Variants in FBXW8 observed in about 807,000 individuals in gnomAD.
The protein encoded by FBXW8 is F-box/WD repeat-containing protein 8.
In FBXW8, 57 loss-of-function variants were observed where a neutral mutation model predicts 65.3. The observed-to-expected ratio is 0.87, with a 90% CI of 0.71 to 1.09. FBXW8 has a LOEUF of 1.09. FBXW8 is among the 50% of genes least tolerant of loss of function. FBXW8 has a pLI of 0.00. For missense variants in FBXW8, 777 were observed against 814.8 expected (o/e 0.95, Z 0.57); for synonymous variants, 308 against 330.2 (o/e 0.93, Z 0.73).
rs140697469 is a variant in FBXW8, at chr12:117,010,667, G to C, written c.1367+217G>C. Among the ~76,000 whole-genome samples, 46 of 152,334 alleles carry C rather than the reference G, an allele frequency of 3.0e-4. No individual in the cohort carries two copies. In the East Asian group the frequency reaches 8.1e-3, roughly 27 times the overall value. On this transcript the variant is annotated intron_variant, in intron 8 of 10. Transcript: ENST00000652555. ...TCTGCTTCATTTCTGAAGCACCACGGGAAGGTTTTCTTTTAAGCCATTTGG... is the reference window on the plus strand; with the variant it reads ...TCTGCTTCATTTCTGAAGCACCACGCGAAGGTTTTCTTTTAAGCCATTTGG...
chr12:116,953,794 A>G (rs2137365706), intron 4 of FBXW8, among the ~76,000 whole-genome samples: 1 of 146,602 alleles, frequency 6.8e-6, no homozygotes, highest in East Asian at 2.0e-4. Flanking sequence ...ACAAAAAAAC[A>G]AAACAAAACA....
Position 116,961,185 on chromosome 12 carries a change from G to A in FBXW8, c.678-3512G>A, listed in dbSNP as rs748167564. Among the ~76,000 whole-genome samples, 2 of 152,072 alleles carry A rather than the reference G, an allele frequency of 1.3e-5. No individual in the cohort carries two copies. Among genetic ancestry groups the A allele is most frequent in the African/African-American group, 4.8e-5 (2 of 41,400 alleles). On this transcript the variant is annotated intron_variant, in intron 4 of 10. Coordinates refer to ENST00000652555, the MANE Select transcript of FBXW8 (RefSeq NM_153348.3). This position sits in a 1 kb window ranked among gnomAD's most constrained non-coding sequence, Gnocchi z 4.4. ...TAATTTTTGCATTTTTAGTAGAGAC[G>A]AGGTTTCACCCTGTTGGCCAGGCTG...
At chr12:116,931,243 A>G (rs1157543319) in intron 2 of FBXW8, among the ~76,000 whole-genome samples, 2 of 152,138 alleles carry the variant, frequency 1.3e-5, no homozygotes, top group Non-Finnish European at 2.9e-5. Context: ...TGGTCTATAT[A>G]TCTGTTTTTA....
chr12:117,027,956 A>G (rs1954273537), intron 10 of FBXW8, 72 bp from the exon 11 acceptor site: 6 of 1,598,230 alleles, frequency 3.8e-6, no homozygotes, highest in Non-Finnish European at 5.1e-6. Flanking sequence ...CGCCTCCTGC[A>G]CAGACAGAAG....
At chr12:116,921,614 CT>C (rs1880908876) in intron 1 of FBXW8, among the ~76,000 whole-genome samples, 1 of 152,178 alleles carries the variant, frequency 6.6e-6, no homozygotes, top group African/African-American at 2.4e-5. Context: ...CTCCCTCCCC[CT>C]AGCACCTGGT....
At chr12:116,916,287 C>T (rs1261022481) in intron 1 of FBXW8, among the ~76,000 whole-genome samples, 7 of 152,108 alleles carry the variant, frequency 4.6e-5, no homozygotes, top group Admixed American at 4.6e-4. Flanking sequence ...GACAGTTTTC[C>T]AAAGTAGTTG....
At position 117,027,402 on chromosome 12, in the gene FBXW8, T is replaced by A; in HGVS notation, c.1550T>A (p.Val517Glu). The A allele has an allele frequency of 6.2e-7, 1 of 1,613,958 alleles. No individual in the cohort carries two copies. Among genetic ancestry groups the A allele is most frequent in the African/African-American group, 1.3e-5 (1 of 75,040 alleles). Residue 517 changes from valine (V) to glutamate (E), a missense_variant, in exon 10 of 11, where the codon GTG (valine) becomes GAG (glutamate). By Grantham distance (121) the Val-to-Glu change is moderately radical (BLOSUM62 -2). Coordinates refer to ENST00000652555, the MANE Select transcript of FBXW8 (RefSeq NM_153348.3). ...CTCCCACTGCCTTCCAGGCACCCGG[T>A]GCAGCACATCTCATTCAGCAGCCAC... The part of the protein sequence containing the change: ...KLWEVYSGHP[V>E]QHISFSSHSL...
rs941494517 is a variant in FBXW8 at position 117,030,450 on chromosome 12, C to G, written c.*2278C>G. ...TGGCCTCGCTTTAGAAGGTTTTCAT[C>G]AAGCCCCGCCCTTTCTCTCTCATAG... On this transcript the variant is annotated 3_prime_UTR_variant, in exon 11 of 11. Coordinates refer to ENST00000652555, the MANE Select transcript of FBXW8 (RefSeq NM_153348.3). The G allele has an allele frequency of 4.6e-5, 7 of 152,100 alleles. No individual in the cohort carries two copies. Among genetic ancestry groups the G allele is most frequent in the Admixed American group, 2.6e-4 (4 of 15,280 alleles). The allele number at this position is 152,100 out of a possible 1,614,324, so 9.4% of individuals were successfully genotyped here. A position where few individuals can be genotyped will look rare whatever the true frequency, so the allele number is the denominator to read the frequency against.
chr12:117,009,013 G>A (rs1272448847), intron 7 of FBXW8, among the ~76,000 whole-genome samples: 1 of 152,144 alleles, frequency 6.6e-6, no homozygotes, highest in Non-Finnish European at 1.5e-5. Context: ...CTTGCAGTGA[G>A]CCAAGATCGC....
chr12:116,940,686 C>T (rs1240707474), intron 2 of FBXW8, among the ~76,000 whole-genome samples: 2 of 152,060 alleles, frequency 1.3e-5, no homozygotes, highest in Non-Finnish European at 2.9e-5. Flanking sequence ...ATTCTTTATA[C>T]CTTTTCATTT....
intron 7 of FBXW8, among the ~76,000 whole-genome samples, chr12:116,997,206 G>A (rs993321391): frequency 1.3e-5 from 2 of 152,216 alleles, no homozygotes; most frequent in Non-Finnish European, 2.9e-5. Flanking sequence ...CTCTGGCTTA[G>A]ATGCTTTTGA....
intron 2 of FBXW8, among the ~76,000 whole-genome samples, chr12:116,937,680 A>T (rs1244094023): frequency 1.3e-5 from 2 of 152,048 alleles, no homozygotes; most frequent in Admixed American, 1.3e-4. Flanking sequence ...GCAAGTGGAG[A>T]GAGAGGAAAC....
rs1463017847 is a variant in FBXW8, at chr12:116,911,269, G to A, written c.232G>A (p.Asp78Asn). 20 of 1,256,694 alleles carry A rather than the reference G, an allele frequency of 1.6e-5. No individual in the cohort carries two copies. In the East Asian group the frequency reaches 5.4e-4, roughly 34 times the overall value. The allele number at this position is 1,256,694 out of a possible 1,614,324, so 77.8% of individuals were successfully genotyped here. Residue 78 changes from aspartate to asparagine, a missense_variant, in exon 1 of 11, where the codon GAC (aspartate) becomes AAC (asparagine). Coordinates refer to ENST00000652555, the MANE Select transcript of FBXW8 (RefSeq NM_153348.3). ...AARATRAEGQ[D>N]VASRSRSPLA... ...GCGGGCGACTCGGGCCGAGGGGCAGGACGTAGCGAGCCGCTCACGTTCTCC... is the reference window on the plus strand; with the variant it reads ...GCGGGCGACTCGGGCCGAGGGGCAGAACGTAGCGAGCCGCTCACGTTCTCC...
intron 2 of FBXW8, among the ~76,000 whole-genome samples, chr12:116,933,087 A>G (rs1229313897): frequency 1.3e-5 from 2 of 152,154 alleles, no homozygotes; most frequent in South Asian, 2.1e-4. Context: ...ATGAGTACCT[A>G]TATTGTTTTC....
chr12:116,921,986 C>G (rs1307131559), intron 1 of FBXW8, among the ~76,000 whole-genome samples: 1 of 151,900 alleles, frequency 6.6e-6, no homozygotes, highest in African/African-American at 2.4e-5. Context: ...TGCCACCACA[C>G]CTGGCTCATT....
intron 8 of FBXW8, 150 bp from the exon 9 acceptor site, chr12:117,023,997 T>C (rs1954162136): frequency 1.3e-6 from 1 of 744,834 alleles, no homozygotes; most frequent in African/African-American, 1.8e-5. Context: ...CAGTCTGTGC[T>C]TGATGTCCTT....
rs369031440 is a variant in FBXW8 at position 117,027,446 on chromosome 12, G to A, written c.1594G>A (p.Val532Met). The change falls in exon 10 of 11, where the codon GTG becomes ATG. Residue 532 changes from valine to methionine, a missense_variant. By Grantham distance (21) the Val-to-Met change is conservative. Coordinates refer to ENST00000652555, the MANE Select transcript of FBXW8 (RefSeq NM_153348.3). ...CAGCCACAGCCTCATCACGGCCAAC[G>A]TGCCTTACCAGACGGTAATGCGAAA... ...FSSHSLITAN[V>M]PYQTVMRNAD... 1.1e-5 allele frequency: 18 copies of A among 1,614,138 alleles called. No homozygotes were observed. The African/African-American group carries it at 1.2e-4, about 11-fold the overall frequency.
intron 7 of FBXW8, among the ~76,000 whole-genome samples, chr12:116,997,288 A>G (rs1376566177): frequency 6.6e-6 from 1 of 152,128 alleles, no homozygotes; most frequent in Non-Finnish European, 1.5e-5. Context: ...GGAATATTGC[A>G]TCTTATTACA....
intron 2 of FBXW8, among the ~76,000 whole-genome samples, chr12:116,939,265 G>A (rs1882394146): frequency 6.6e-6 from 1 of 152,176 alleles, no homozygotes; most frequent in African/African-American, 2.4e-5. Flanking sequence ...TTTTGGATTT[G>A]GGGATTTGGG....
Sources: allele counts gnomAD v4.1 joint callset (sites outside exome capture counted in the v4.1 genomes callset), GRCh38; gene constraint gnomAD v4.1.1; non-coding constraint Gnocchi (gnomAD v3.1); transcripts MANE v1.5; gene names NCBI Gene and HGNC (gene_info 2026-07-23, HGNC 2026-07-21).